Variants in FRMD4A observed in about 807,000 individuals in gnomAD.
FRMD4A encodes the protein FERM domain containing 4A, also known as FERM domain-containing protein 4A.
Under a neutral mutation model 129.1 loss-of-function variants are expected in FRMD4A, and 29 were observed. The observed-to-expected ratio is 0.22, with a 90% CI of 0.17 to 0.31. The LOEUF (loss-of-function observed/expected upper bound fraction) is 0.31, where lower values mean the gene tolerates loss of function less well. Among genes scored for constraint, FRMD4A ranks in the 10% least tolerant of loss-of-function variants. The pLI is 1.00. For missense variants in FRMD4A, 1,272 were observed against 1,375.8 expected, an observed-to-expected ratio of 0.92 and a Z score of 1.19; for synonymous variants, 634 against 571.6, an observed-to-expected ratio of 1.11 and a Z score of -1.56.
At chr10:13,914,364 G>C (rs912811643) in intron 2 of FRMD4A, among the ~76,000 whole-genome samples, 2 of 152,170 alleles carry the variant, frequency 1.3e-5, no homozygotes, top group Admixed American at 6.5e-5. Flanking sequence ...ATATGCTGAT[G>C]ATGAGTACTA....
intron 12 of FRMD4A, among the ~76,000 whole-genome samples, chr10:13,717,217 G>C (rs1396125734): frequency 6.6e-6 from 1 of 152,214 alleles, no homozygotes; most frequent in African/African-American, 2.4e-5. Flanking sequence ...ATCAATCTGA[G>C]AAATACTTGG....
intron 2 of FRMD4A, among the ~76,000 whole-genome samples, chr10:14,010,049 G>T (rs1216596256): frequency 6.6e-6 from 1 of 151,988 alleles, no homozygotes; most frequent in Non-Finnish European, 1.5e-5. Flanking sequence ...CAAAGGATAG[G>T]CACACTTTCA....
chr10:13,714,064 T>TATATATATATATA (rs2088518364), intron 12 of FRMD4A, among the ~76,000 whole-genome samples: 1 of 86,360 alleles, frequency 1.2e-5, no homozygotes, highest in South Asian at 4.2e-4. Context: ...ATATATAAAA[T>TATATATATATATA]ATACTTTTTT....
chr10:14,048,339 T>G (rs1834077811), intron 2 of FRMD4A, among the ~76,000 whole-genome samples: 1 of 152,234 alleles, frequency 6.6e-6, no homozygotes, highest in South Asian at 2.1e-4. Context: ...CCTATTTGCT[T>G]CATTTTCCTC....
intron 21 of FRMD4A, 65 bp downstream of exon 21, chr10:13,659,258 G>T: frequency 7.1e-7 from 1 of 1,398,626 alleles, no homozygotes; most frequent in South Asian, 1.2e-5. Context: ...GGCCAGCTTG[G>T]GGCTGACAAT....
In FRMD4A at chr10:13,821,162, C is replaced by G. The variant is rs779574652; in HGVS notation, c.112-10254G>C. 6.6e-5 allele frequency among the ~76,000 whole-genome samples: 10 copies of G among 152,120 alleles called. No individual in the cohort carries two copies. Among genetic ancestry groups the G allele is most frequent in the Non-Finnish European group, 1.2e-4 (8 of 68,006 alleles). ...GGGGGGTGCATGAGGTGACTCTGTG[C>G]AGCTCTGTCCACTGTGTGGCCAGCA... On this transcript the variant is annotated intron_variant, in intron 3 of 24. Coordinates refer to ENST00000357447, the MANE Select transcript of FRMD4A (RefSeq NM_018027.5). This position sits in a 1 kb window ranked among gnomAD's most constrained non-coding sequence, Gnocchi z 4.3.
chr10:14,129,079 T>G (rs1839087599), intron 2 of FRMD4A, among the ~76,000 whole-genome samples: 2 of 151,990 alleles, frequency 1.3e-5, no homozygotes, highest in East Asian at 3.9e-4. Context: ...AATACCCTAT[T>G]TCCTCTTCCC....
At chr10:13,957,555 A>G (rs369394146) in intron 2 of FRMD4A, among the ~76,000 whole-genome samples, 2 of 152,154 alleles carry the variant, frequency 1.3e-5, no homozygotes, top group African/African-American at 4.8e-5. Context: ...ACGCTCAGCC[A>G]TACCCCTCCT....
chr10:14,129,067 C>T (rs1053675700), intron 2 of FRMD4A, among the ~76,000 whole-genome samples: 5 of 152,050 alleles, frequency 3.3e-5, no homozygotes, highest in South Asian at 4.2e-4. Flanking sequence ...TGTGGCCCCC[C>T]CAATACCCTA....
chr10:14,327,081 G>C (rs149074101), intron 2 of FRMD4A: 1 of 397,674 alleles, frequency 2.5e-6, no homozygotes, highest in African/African-American at 2.1e-5. Flanking sequence ...TTACCACCTG[G>C]GACCCCTCCC....
Position 13,786,939 on chromosome 10 carries a change from C to T in FRMD4A, c.300-3933G>A, listed in dbSNP as rs192403471. On this transcript the variant is annotated intron_variant, in intron 5 of 24. Transcript: ENST00000357447. ...AAAGAGTAAAGACATCCTGCCTCTT[C>T]CACCCCAATTTTCTCCTGAATAGTA... Among the ~76,000 whole-genome samples the T allele has an allele frequency of 3.8e-3, 576 of 152,262 alleles. 5 individuals are homozygous for T. The highest frequency in any genetic ancestry group is 3.9e-3 in the Non-Finnish European group (262 of 68,020).
At chr10:14,042,924 CAAAAAAAAAAAAAAA>C (rs57492155) in intron 2 of FRMD4A, among the ~76,000 whole-genome samples, 3 of 62,800 alleles carry the variant, frequency 4.8e-5, no homozygotes, top group South Asian at 7.8e-4. Context: ...GACTCCATCT[CAAAAAAAAAAAAAAA>C]AAAAAAAAAA....
chr10:14,052,008 T>TAA (rs932703085), intron 2 of FRMD4A, among the ~76,000 whole-genome samples: 1 of 152,202 alleles, frequency 6.6e-6, no homozygotes, highest in African/African-American at 2.4e-5. Context: ...GGTAAGCCCT[T>TAA]AATGCAGTAT....
intron 2 of FRMD4A, among the ~76,000 whole-genome samples, chr10:13,996,583 G>A (rs763605228): frequency 6.6e-6 from 1 of 152,154 alleles, no homozygotes; most frequent in Non-Finnish European, 1.5e-5. Context: ...CTTACTTAAA[G>A]GAAAATTAAA....
intron 6 of FRMD4A, among the ~76,000 whole-genome samples, chr10:13,766,608 G>C (rs765689649): frequency 2.0e-4 from 31 of 152,148 alleles, no homozygotes; most frequent in Non-Finnish European, 3.5e-4. Context: ...ATCTAGGGTG[G>C]TGGGAAGACA....
chr10:13,875,455 C>T lies in FRMD4A; in HGVS notation c.46-16543G>A, dbSNP rs552802265. On this transcript the variant is annotated intron_variant, in intron 2 of 24. Coordinates refer to ENST00000357447, the MANE Select transcript of FRMD4A (RefSeq NM_018027.5). The stretch of plus-strand genomic sequence containing the variant: ...ATAGCAGGCATGCATATCAGATTTA[C>T]AGAGGGCAAAGAGGTTCGGATGGTA... Among the ~76,000 whole-genome samples the T allele has an allele frequency of 5.3e-5, 8 of 152,316 alleles. No homozygotes were observed. In the South Asian group the frequency reaches 1.5e-3, roughly 28 times the overall value.
intron 20 of FRMD4A, among the ~76,000 whole-genome samples, 154 bp from the exon 21 acceptor site, chr10:13,659,644 T>C (rs1217761721): frequency 6.6e-6 from 1 of 152,144 alleles, no homozygotes; most frequent in Non-Finnish European, 1.5e-5. Context: ...TTCTCAGCCT[T>C]TCCCCAGCAG....
At chr10:13,663,166 GGCAATA>G (rs2082764511) in intron 19 of FRMD4A, among the ~76,000 whole-genome samples, 1 of 151,166 alleles carries the variant, frequency 6.6e-6, no homozygotes, top group Non-Finnish European at 1.5e-5. Flanking sequence ...CTCCAGCCTG[GGCAATA>G]GTGTGAGACC....
intron 2 of FRMD4A, among the ~76,000 whole-genome samples, chr10:14,295,928 C>T (rs10796179): frequency 0.41 from 62,571 of 151,790 alleles, 13,245 homozygotes; most frequent in Middle Eastern, 0.6. Flanking sequence ...ATGGGTGAAA[C>T]GATCTTTTTC....
Sources: gnomAD v4.1 joint callset for allele counts (sites outside exome capture counted in the v4.1 genomes callset) on GRCh38, gnomAD v4.1.1 for gene constraint, Gnocchi (gnomAD v3.1) non-coding constraint, MANE v1.5 for transcripts, NCBI Gene and HGNC (gene_info 2026-07-23, HGNC 2026-07-21) for gene names.